The following RGS7 variants were observed in gnomAD, a reference collection of about 807,000 sequenced individuals.
The protein encoded by RGS7 is regulator of G-protein signaling 7.
RGS7 carries 27 observed loss-of-function variants against 81.1 expected under a neutral mutation model. The ratio of observed to expected loss-of-function variants is 0.33; its 90% CI spans 0.25 to 0.46. The LOEUF (loss-of-function observed/expected upper bound fraction) is 0.46, where lower values mean the gene tolerates loss of function less well. RGS7 is among the 20% of genes least tolerant of loss of function. The pLI is 1.00. For synonymous variants in RGS7, 208 were observed against 207.7 expected (o/e 1.00, Z -0.01); for missense variants, 396 against 607.4 (o/e 0.65, Z 3.66).
intron 2 of RGS7, among the ~76,000 whole-genome samples, chr1:241,110,678 C>T (rs932871981): frequency 6.8e-6 from 1 of 147,876 alleles, no homozygotes. Context: ...ATTATTGAGA[C>T]AGGGTCTCAC....
chr1:240,980,943 G>A (rs1233611430), intron 4 of RGS7, among the ~76,000 whole-genome samples: 1 of 152,076 alleles, frequency 6.6e-6, no homozygotes, highest in African/African-American at 2.4e-5. Flanking sequence ...CTTCCTCAAA[G>A]TGTTCAGCAA....
intron 2 of RGS7, among the ~76,000 whole-genome samples, chr1:241,289,582 T>C (rs564164357): frequency 1.3e-5 from 2 of 152,358 alleles, no homozygotes; most frequent in South Asian, 2.1e-4. Flanking sequence ...TCCAATTCTA[T>C]AACATAGTTG....
intron 2 of RGS7, among the ~76,000 whole-genome samples, chr1:241,230,757 A>G (rs1252518529): frequency 6.6e-6 from 1 of 152,216 alleles, no homozygotes; most frequent in East Asian, 1.9e-4. Context: ...GACCGTGAGT[A>G]CAGCTGCAGT....
chr1:241,341,503 T>C (rs532365358), intron 2 of RGS7, among the ~76,000 whole-genome samples: 3 of 152,148 alleles, frequency 2.0e-5, no homozygotes, highest in Admixed American at 2.0e-4. Context: ...TACATGCTGC[T>C]AGTCCTTTAA....
intron 18 of RGS7, among the ~76,000 whole-genome samples, chr1:240,780,675 G>T (rs930528622): frequency 6.6e-6 from 1 of 151,904 alleles, no homozygotes; most frequent in South Asian, 2.1e-4. Flanking sequence ...CAGCACTTTG[G>T]GAGAGCAAGG....
At chr1:241,242,215 C>G (rs1187781363) in intron 2 of RGS7, among the ~76,000 whole-genome samples, 1 of 151,990 alleles carries the variant, frequency 6.6e-6, no homozygotes. Flanking sequence ...GGCTTTCCAT[C>G]CCTCAGTTAC....
chr1:241,115,241 C>T (rs2102971214), intron 2 of RGS7, among the ~76,000 whole-genome samples: 1 of 152,262 alleles, frequency 6.6e-6, no homozygotes, highest in East Asian at 1.9e-4. Context: ...CTGGAATAAA[C>T]TCTTTAAAAC....
At chr1:241,068,264 T>TATA (rs60506601) in intron 3 of RGS7, among the ~76,000 whole-genome samples, 5 of 100,714 alleles carry the variant, frequency 5.0e-5, no homozygotes, top group East Asian at 4.3e-4. Flanking sequence ...ATATAAAATA[T>TATA]TGTGTATATA....
intron 6 of RGS7, among the ~76,000 whole-genome samples, chr1:240,901,510 G>T (rs554913013): frequency 9.2e-5 from 14 of 152,250 alleles, no homozygotes; most frequent in South Asian, 6.2e-4. Context: ...GTATTCCAAG[G>T]GCTCGAAAGC....
chr1:240,951,159 A>G (rs914766563), intron 4 of RGS7, among the ~76,000 whole-genome samples: 3 of 152,140 alleles, frequency 2.0e-5, no homozygotes, highest in African/African-American at 7.2e-5. Flanking sequence ...GGCTTAAGCT[A>G]TCTGCCTGCC....
intron 2 of RGS7, among the ~76,000 whole-genome samples, chr1:241,264,820 G>A (rs1259249958): frequency 6.6e-6 from 1 of 152,198 alleles, no homozygotes; most frequent in Non-Finnish European, 1.5e-5. Flanking sequence ...AACAGGTCAG[G>A]AGATAGAGGG....
intron 4 of RGS7, among the ~76,000 whole-genome samples, chr1:240,974,251 T>C (rs1683726972): frequency 1.3e-5 from 2 of 152,242 alleles, no homozygotes; most frequent in Non-Finnish European, 2.9e-5. Flanking sequence ...GTATTTGTCA[T>C]TAAGTTTTTA....
intron 2 of RGS7, among the ~76,000 whole-genome samples, chr1:241,250,172 C>T (rs1558236712): frequency 6.6e-6 from 1 of 152,054 alleles, no homozygotes; most frequent in Non-Finnish European, 1.5e-5. Context: ...GGTGAGTACA[C>T]AGAATGTTAT....
intron 3 of RGS7, among the ~76,000 whole-genome samples, chr1:240,996,479 CTT>C (rs1352636621): frequency 3.3e-5 from 5 of 152,172 alleles, no homozygotes; most frequent in Non-Finnish European, 5.9e-5. Context: ...CTGAATCTCT[CTT>C]GTTAGATACA....
intron 9 of RGS7, among the ~76,000 whole-genome samples, chr1:240,836,015 T>C (rs981951135): frequency 6.6e-6 from 1 of 152,194 alleles, no homozygotes; most frequent in Non-Finnish European, 1.5e-5. Context: ...TACATGTCAT[T>C]ATACATTTGT....
In RGS7 at chr1:241,208,769, C is replaced by G. The variant is rs1558190815; in HGVS notation, c.79-110007G>C. On this transcript the variant is annotated intron_variant, in intron 2 of 18. Transcript: ENST00000440928. ...CAATTTGCCGACGTGGTCTGGCAAACAAAGAGATTTCTTTGTTTCTCTAAG... is the reference window on the plus strand; with the variant it reads ...CAATTTGCCGACGTGGTCTGGCAAAGAAAGAGATTTCTTTGTTTCTCTAAG... Among the ~76,000 whole-genome samples, 3 of 152,094 alleles carry G rather than the reference C, an allele frequency of 2.0e-5. No individual in the cohort carries two copies. The South Asian group carries it at 6.2e-4, about 32-fold the overall frequency.
chr1:240,878,923 T>C (rs932352292), intron 6 of RGS7, among the ~76,000 whole-genome samples: 1 of 152,236 alleles, frequency 6.6e-6, no homozygotes, highest in Non-Finnish European at 1.5e-5. Context: ...TTTTTTCTTT[T>C]TATTTTTTCC....
chr1:240,909,832 G>C (rs944658435), intron 6 of RGS7, among the ~76,000 whole-genome samples: 2 of 152,164 alleles, frequency 1.3e-5, no homozygotes, highest in Admixed American at 1.3e-4. Context: ...AAATGTTCTA[G>C]TACTTGAAGT....
intron 3 of RGS7, among the ~76,000 whole-genome samples, chr1:240,991,085 A>G (rs1047522769): frequency 2.0e-5 from 3 of 152,234 alleles, no homozygotes; most frequent in Admixed American, 6.5e-5. Flanking sequence ...TTCTGAGGAT[A>G]GGAAAAGTAA....
Sources: gnomAD v4.1 joint callset for allele counts (sites outside exome capture counted in the v4.1 genomes callset) on GRCh38, gnomAD v4.1.1 for gene constraint, MANE v1.5 for transcripts, NCBI Gene and HGNC (gene_info 2026-07-23, HGNC 2026-07-21) for gene names.